Variants in OTULIN observed in about 807,000 individuals in gnomAD.
OTULIN encodes ubiquitin thioesterase otulin.
A neutral mutation model predicts 39.6 loss-of-function variants in OTULIN; 15 were observed. The ratio of observed to expected loss-of-function variants is 0.38; its 90% CI spans 0.25 to 0.58. OTULIN has a LOEUF of 0.58. Ranked by LOEUF, OTULIN falls within the 20% of genes least tolerant of loss-of-function variation. The pLI, the probability that OTULIN is intolerant of heterozygous loss-of-function variation, is 0.66. For missense variants in OTULIN, 319 were observed against 445.9 expected (o/e 0.72, Z 2.56); for synonymous variants, 156 against 170.3 (o/e 0.92, Z 0.65).
intron 1 of OTULIN, among the ~76,000 whole-genome samples, chr5:14,667,443 G>T (rs562718459): frequency 6.6e-6 from 1 of 152,292 alleles, no homozygotes; most frequent in South Asian, 2.1e-4. Flanking sequence ...GACAATCATG[G>T]CTCACTGTAG....
At position 14,690,868 on chromosome 5, in the gene OTULIN, C is replaced by G. The variant is rs1295822383; in HGVS notation, c.864+560C>G. 1.3e-5 allele frequency among the ~76,000 whole-genome samples: 2 copies of G among 152,154 alleles called. No individual in the cohort carries two copies. The highest frequency in any genetic ancestry group is 6.5e-5 in the Admixed American group (1 of 15,274). On this transcript the variant is annotated intron_variant, in intron 6 of 6. Transcript: ENST00000284274. The surrounding 1 kb of genome is among the most constrained non-coding windows in gnomAD (Gnocchi z 4.5). ...CCGTTATCTCAGCCTGGGCTTTATT[C>G]TTCAGAGGGGTGGATGGGATTAGTA...
chr5:14,681,119 T>A (rs1736237719), intron 3 of OTULIN, among the ~76,000 whole-genome samples: 1 of 152,194 alleles, frequency 6.6e-6, no homozygotes, highest in African/African-American at 2.4e-5. Flanking sequence ...CTTTTATGTG[T>A]ACATGCACAT....
chr5:14,664,993 C>T lies in OTULIN; in HGVS notation c.152+16C>T. On this transcript the variant is annotated intron_variant, in intron 1 of 6. Coordinates refer to ENST00000284274, the MANE Select transcript of OTULIN (RefSeq NM_138348.6). ...CGGCCGAGCAGTGAGTCCGCGGGGGCGCGGGGCGCGGGCCGTGGGCGGCGG... is the reference window on the plus strand; with the variant it reads ...CGGCCGAGCAGTGAGTCCGCGGGGGTGCGGGGCGCGGGCCGTGGGCGGCGG... The T allele has an allele frequency of 9.6e-7, 1 of 1,039,884 alleles. No homozygotes were observed. The highest frequency in any genetic ancestry group is 1.7e-5 in the African/African-American group (1 of 58,720). The allele number at this position is 1,039,884 out of a possible 1,614,324, so 64.4% of individuals were successfully genotyped here. A position where few individuals can be genotyped will look rare whatever the true frequency, so the allele number is the denominator to read the frequency against.
chr5:14,674,450 GA>G lies in OTULIN; in HGVS notation c.229+737del, dbSNP rs367564843. Among the ~76,000 whole-genome samples, 712 of 152,330 alleles carry G rather than the reference GA, an allele frequency of 4.7e-3. 7 individuals are homozygous for G. The highest frequency in any genetic ancestry group is 0.016 in the African/African-American group (661 of 41,574). ...ATAAGGAGACTTCAAAACGGTTGTG[GA>G]AAAATGGAATTGAAAGATAGAAGGC... On this transcript the variant is annotated intron_variant, in intron 2 of 6. Coordinates refer to ENST00000284274, the MANE Select transcript of OTULIN (RefSeq NM_138348.6).
Position 14,664,888 on chromosome 5 carries a change from G to A in OTULIN, c.63G>A (p.Pro21=), listed in dbSNP as rs1461208962. ...AWPGASCAET[P]AREAAATARD... Reference sequence around the variant, plus strand: ...CAGGCGCGAGCTGCGCCGAGACGCCGGCGCGGGAGGCGGCGGCCACGGCGC... The same window carrying A: ...CAGGCGCGAGCTGCGCCGAGACGCCAGCGCGGGAGGCGGCGGCCACGGCGC... The change falls in exon 1 of 7, where the codon CCG becomes CCA. Residue 21 remains proline, a synonymous_variant. Coordinates refer to ENST00000284274, the MANE Select transcript of OTULIN (RefSeq NM_138348.6). 8.5e-6 allele frequency: 10 copies of A among 1,170,846 alleles called. No individual in the cohort carries two copies. The highest frequency in any genetic ancestry group is 1.0e-5 in the Non-Finnish European group (10 of 957,420). 72.5% of individuals were successfully genotyped at this position (1,170,846 alleles called of 1,614,324 possible).
chr5:14,667,442 G>T (rs1445283274), intron 1 of OTULIN, among the ~76,000 whole-genome samples: 1 of 152,144 alleles, frequency 6.6e-6, no homozygotes, highest in African/African-American at 2.4e-5. Context: ...TGACAATCAT[G>T]GCTCACTGTA....
chr5:14,666,695 C>G (rs1026453679), intron 1 of OTULIN, among the ~76,000 whole-genome samples: 3 of 152,130 alleles, frequency 2.0e-5, no homozygotes, highest in Non-Finnish European at 2.9e-5. Context: ...GTTTGATTAT[C>G]TCATTCTCTT....
chr5:14,665,913 A>G (rs1439112115), intron 1 of OTULIN, among the ~76,000 whole-genome samples: 1 of 152,222 alleles, frequency 6.6e-6, no homozygotes, highest in Non-Finnish European at 1.5e-5. Context: ...TTCACACTTA[A>G]TGGGTTAATG....
At chr5:14,678,637 T>G in intron 2 of OTULIN, 44 bp from the exon 3 acceptor site, 1 of 1,375,134 alleles carries the variant, frequency 7.3e-7, no homozygotes, top group Non-Finnish European at 9.9e-7. Flanking sequence ...CTGATTATGC[T>G]TTGATTTATT....
chr5:14,676,602 G>A (rs2126819713), intron 2 of OTULIN, among the ~76,000 whole-genome samples: 1 of 152,324 alleles, frequency 6.6e-6, no homozygotes, highest in South Asian at 2.1e-4. Context: ...TCAGTCATGG[G>A]GTGCTGGGCT....
chr5:14,670,775 T>TC (rs1253910458), intron 1 of OTULIN, among the ~76,000 whole-genome samples: 1 of 152,064 alleles, frequency 6.6e-6, no homozygotes, highest in African/African-American at 2.4e-5. Flanking sequence ...CAATTAATTT[T>TC]TTTTTTTTTT....
Position 14,693,713 on chromosome 5 carries a change from G to T in OTULIN, c.*665G>T, listed in dbSNP as rs376815475. 2.6e-5 allele frequency: 4 copies of T among 152,324 alleles called. No individual in the cohort carries two copies. The East Asian group carries it at 5.8e-4, about 22-fold the overall frequency. The allele number at this position is 152,324 out of a possible 1,614,324, so 9.4% of individuals were successfully genotyped here. A position where few individuals can be genotyped will look rare whatever the true frequency, so the allele number is the denominator to read the frequency against. On this transcript the variant is annotated 3_prime_UTR_variant, in exon 7 of 7. Coordinates refer to ENST00000284274, the MANE Select transcript of OTULIN (RefSeq NM_138348.6). ...AGCAGATTGTTTTGCAACAGATTAA[G>T]AATTGGGTCCCAAAGTGGGTTATTT...
chr5:14,701,962 A>G (rs1270616712), downstream of OTULIN, among the ~76,000 whole-genome samples: 1 of 152,170 alleles, frequency 6.6e-6, no homozygotes, highest in Non-Finnish European at 1.5e-5. Context: ...GTGATGCAGA[A>G]TTCTAGGAGA....
rs996190566 is a variant in OTULIN, at chr5:14,693,704, A to G, written c.*656A>G. On this transcript the variant is annotated 3_prime_UTR_variant, in exon 7 of 7. Transcript: ENST00000284274. ...GCTATTTTAAGCAGATTGTTTTGCAACAGATTAAGAATTGGGTCCCAAAGT... is the reference window on the plus strand; with the variant it reads ...GCTATTTTAAGCAGATTGTTTTGCAGCAGATTAAGAATTGGGTCCCAAAGT... The G allele has an allele frequency of 2.0e-5, 3 of 152,218 alleles. No individual in the cohort carries two copies. Among genetic ancestry groups the G allele is most frequent in the African/African-American group, 7.2e-5 (3 of 41,450 alleles). The allele number at this position is 152,218 out of a possible 1,614,324, so 9.4% of individuals were successfully genotyped here. A position where few individuals can be genotyped will look rare whatever the true frequency, so the allele number is the denominator to read the frequency against.
intron 5 of OTULIN, among the ~76,000 whole-genome samples, chr5:14,689,054 G>A (rs1736456878): frequency 6.6e-6 from 1 of 152,282 alleles, no homozygotes; most frequent in African/African-American, 2.4e-5. Context: ...AACTATGAAG[G>A]TGGTGTCGCT....
intron 4 of OTULIN, among the ~76,000 whole-genome samples, chr5:14,683,171 C>T (rs946813114): frequency 3.3e-5 from 5 of 151,994 alleles, no homozygotes; most frequent in South Asian, 2.1e-4. Context: ...GTTAGCTACT[C>T]AGGAGGCTGG....
the OTULIN span, chr5:14,710,793 G>A: frequency 3.0e-5 from 7 of 235,358 alleles, no homozygotes; most frequent in South Asian, 5.4e-5. Context: ...TCTTAAGAGC[G>A]ATGAAGGGGG....
At chr5:14,665,096 G>T in intron 1 of OTULIN, 119 bp downstream of exon 1, 1 of 824,312 alleles carries the variant, frequency 1.2e-6, no homozygotes. Context: ...TTCTGAGTGA[G>T]GCCGTTGGCG....
chr5:14,667,103 G>T, intron 1 of OTULIN, among the ~76,000 whole-genome samples: 1 of 151,946 alleles, frequency 6.6e-6, no homozygotes, highest in Non-Finnish European at 1.5e-5. Context: ...TGTGAACACT[G>T]TAAGACTGTA....
Sources: gnomAD v4.1 joint callset for allele counts (sites outside exome capture counted in the v4.1 genomes callset) on GRCh38, gnomAD v4.1.1 for gene constraint, Gnocchi (gnomAD v3.1) non-coding constraint, MANE v1.5 for transcripts, NCBI Gene and HGNC (gene_info 2026-07-23, HGNC 2026-07-21) for gene names.